ARAP2: variants seen among roughly 807,000 people sequenced by gnomAD.
The protein encoded by ARAP2 is ArfGAP with RhoGAP domain, ankyrin repeat and PH domain 2, also known as arf-GAP with Rho-GAP domain, ANK repeat and PH domain-containing protein 2.
In ARAP2, 148 loss-of-function variants were observed where a neutral mutation model predicts 194.5. The ratio of observed to expected loss-of-function variants is 0.76; its 90% confidence interval spans 0.67 to 0.87. ARAP2 has a LOEUF of 0.87. Among genes scored for constraint, ARAP2 ranks in the 40% least tolerant of loss-of-function variants. The pLI, the probability that ARAP2 is intolerant of heterozygous loss-of-function variation, is 0.00. For missense variants in ARAP2, 2,128 were observed against 1,989.7 expected (o/e 1.07, Z -1.32); for synonymous variants, 695 against 683.5 (o/e 1.02, Z -0.26).
chr4:36,208,365 C>T (rs1032783957), intron 6 of ARAP2, among the ~76,000 whole-genome samples: 2 of 152,188 alleles, frequency 1.3e-5, no homozygotes, highest in Non-Finnish European at 2.9e-5. Flanking sequence ...GTATTGGCTA[C>T]GTCTGCTTTT....
intron 23 of ARAP2, 53 bp downstream of exon 23, chr4:36,121,126 G>T: frequency 1.5e-6 from 2 of 1,351,192 alleles, no homozygotes; most frequent in Non-Finnish European, 2.0e-6. Flanking sequence ...ATATTTGTTG[G>T]CAAACAGTGA....
At chr4:36,103,209 A>C (rs1717492697) in intron 27 of ARAP2, among the ~76,000 whole-genome samples, 1 of 151,824 alleles carries the variant, frequency 6.6e-6, no homozygotes. Flanking sequence ...ATATACAGCA[A>C]TCTAAACTTA....
intron 9 of ARAP2, among the ~76,000 whole-genome samples, chr4:36,011,728 T>C (rs1010844806): frequency 5.9e-5 from 9 of 152,268 alleles, no homozygotes; most frequent in African/African-American, 2.2e-4. Context: ...CTTTAAATCA[T>C]ACATATAATT....
In ARAP2 at chr4:36,121,339, A is replaced by G. The variant is rs1560473815; in HGVS notation, c.3747-13T>C. ...GCATTTCTGAACCCTGTCAGAGAAAAGCATAGTTTATTATGATACACTTTT... is the reference window on the plus strand; with the variant it reads ...GCATTTCTGAACCCTGTCAGAGAAAGGCATAGTTTATTATGATACACTTTT... On this transcript the variant is annotated splice_polypyrimidine_tract_variant and intron_variant, in intron 22 of 32. Coordinates refer to ENST00000303965, the MANE Select transcript of ARAP2 (RefSeq NM_015230.4). 1 of 1,571,376 alleles carries G rather than the reference A, an allele frequency of 6.4e-7. No individual in the cohort carries two copies.
chr4:36,177,356 T>C (rs954254023), intron 9 of ARAP2, among the ~76,000 whole-genome samples: 1 of 152,160 alleles, frequency 6.6e-6, no homozygotes, highest in Non-Finnish European at 1.5e-5. Context: ...ATACCTTACA[T>C]ACATCTGTTC....
chr4:36,015,636 C>T (rs1715647545), intron 7 of ARAP2: 1 of 152,154 alleles, frequency 6.6e-6, no homozygotes. Flanking sequence ...ACAAAATCTG[C>T]AAGGTAATTC....
In ARAP2 at chr4:36,030,797, G is replaced by GTTTTTTTTTTTTTTTTTT. The variant is rs34777330; in HGVS notation, n.608-11529_608-11512dup. 2.5e-4 allele frequency among the ~76,000 whole-genome samples: 4 copies of GTTTTTTTTTTTTTTTTTT among 16,082 alleles called. 2 individuals carry two copies. Among genetic ancestry groups the GTTTTTTTTTTTTTTTTTT allele is most frequent in the Non-Finnish European group, 5.5e-4 (2 of 3,666 alleles). The allele number at this position is 16,082 out of a possible 152,430, so 10.6% of individuals were successfully genotyped here. A position where few individuals can be genotyped will look rare whatever the true frequency, so the allele number is the denominator to read the frequency against. Reference sequence around the variant, plus strand: ...TCAACTCTTGTTTGACATTGTCTACGTTTTTTTTTTTTTTTTTTTTGGTAC... The same window carrying GTTTTTTTTTTTTTTTTTT: ...TCAACTCTTGTTTGACATTGTCTACGTTTTTTTTTTTTTTTTTTTTTTTTTTTTTTTTTTTTTTGGTAC... On this transcript the variant is annotated intron_variant and non_coding_transcript_variant, in intron 5 of 12. Transcript: ENST00000503225.
chr4:36,213,109 A>AAAATT, intron 4 of ARAP2, 134 bp downstream of exon 4: 1 of 682,422 alleles, frequency 1.5e-6, no homozygotes, highest in East Asian at 2.9e-5. Flanking sequence ...CTGAACAAAA[A>AAAATT]TTTTGCTGAC....
At chr4:36,104,772 G>C (rs1347907033) in intron 27 of ARAP2, among the ~76,000 whole-genome samples, 1 of 151,972 alleles carries the variant, frequency 6.6e-6, no homozygotes, top group Non-Finnish European at 1.5e-5. Context: ...TTATGGGCTA[G>C]AAAATAAGAG....
At chr4:36,139,613 A>G (rs557994311) in intron 19 of ARAP2, among the ~76,000 whole-genome samples, 13 of 151,642 alleles carry the variant, frequency 8.6e-5, no homozygotes, top group Non-Finnish European at 1.9e-4. Flanking sequence ...GTAAAAGTTT[A>G]GAGGATGGAT....
chr4:36,169,197 T>C (rs1338180002), intron 9 of ARAP2, among the ~76,000 whole-genome samples: 9 of 152,228 alleles, frequency 5.9e-5, no homozygotes, highest in Non-Finnish European at 7.3e-5. Flanking sequence ...ATACGTGGAC[T>C]GCATGTCCTT....
downstream of ARAP2, chr4:36,064,969 G>C (rs974394624): frequency 2.5e-5 from 4 of 162,468 alleles, no homozygotes; most frequent in Non-Finnish European, 4.0e-5. Context: ...ACAGACAATA[G>C]AAGTGGGAGG....
rs532709709 is a variant in ARAP2, at chr4:36,179,307, A to G, written c.1679-1302T>C. On this transcript the variant is annotated intron_variant, in intron 8 of 32. Coordinates refer to ENST00000303965, the MANE Select transcript of ARAP2 (RefSeq NM_015230.4). ...GGAGAGTGAAAAAAATTAGTTGTAT[A>G]CATATGATGGGTGTTGATAAGAAAA... 2.5e-4 allele frequency among the ~76,000 whole-genome samples: 38 copies of G among 152,344 alleles called. No individual in the cohort carries two copies. The East Asian group carries it at 6.0e-3, about 24-fold the overall frequency.
downstream of ARAP2, chr4:36,065,245 G>A (rs1429437966): frequency 2.5e-5 from 10 of 397,044 alleles, no homozygotes; most frequent in Non-Finnish European, 5.3e-5. Flanking sequence ...GGGAGAAGCA[G>A]TTCACACACA....
intron 15 of ARAP2, among the ~76,000 whole-genome samples, chr4:36,152,885 A>G (rs1223750947): frequency 6.6e-6 from 1 of 152,204 alleles, no homozygotes; most frequent in Non-Finnish European, 1.5e-5. Flanking sequence ...AATGGGAAAC[A>G]AGATTGCAGG....
chr4:36,219,442 A>G (rs1748686729), intron 2 of ARAP2, among the ~76,000 whole-genome samples: 1 of 152,228 alleles, frequency 6.6e-6, no homozygotes, highest in South Asian at 2.1e-4. Flanking sequence ...CCATTTATAT[A>G]AAATTCCCAA....
At chr4:36,009,191 C>T (rs1713916772) in intron 9 of ARAP2, among the ~76,000 whole-genome samples, 1 of 152,118 alleles carries the variant, frequency 6.6e-6, no homozygotes, top group Non-Finnish European at 1.5e-5. Context: ...AATCTCATTA[C>T]TGAGTATATA....
rs895512540 is a variant in ARAP2 at position 36,007,062 on chromosome 4, AAG to A, written n.1326-18_1326-17del. 2.6e-5 allele frequency: 4 copies of A among 152,064 alleles called. No homozygotes were observed. The East Asian group carries it at 7.7e-4, about 29-fold the overall frequency. 9.4% of individuals were successfully genotyped at this position (152,064 alleles called of 1,614,324 possible). A position where few individuals can be genotyped will look rare whatever the true frequency, so the allele number is the denominator to read the frequency against. On this transcript the variant is annotated splice_polypyrimidine_tract_variant and intron_variant and non_coding_transcript_variant, in intron 9 of 12. Coordinates refer to the ARAP2 transcript ENST00000503225. ...GTCCTTCTCTCTAAAGAAGGAAAAA[AAG>A]AGAGAGAGTTACATAAAACTAAAAT...
intron 27 of ARAP2, among the ~76,000 whole-genome samples, chr4:36,096,175 C>T (rs919341366): frequency 1.3e-5 from 2 of 151,790 alleles, no homozygotes; most frequent in Admixed American, 6.6e-5. Context: ...ACCAGCCTGG[C>T]TAACAAGGTG....
Sources: allele counts gnomAD v4.1 joint callset (sites outside exome capture counted in the v4.1 genomes callset), GRCh38; gene constraint gnomAD v4.1.1; transcripts MANE v1.5; gene names NCBI Gene and HGNC (gene_info 2026-07-23, HGNC 2026-07-21).